The following EFHB variants were observed in gnomAD, a reference collection of about 807,000 sequenced individuals.
The protein encoded by EFHB is EF-hand domain family member B.
A neutral mutation model predicts 87.2 loss-of-function variants in EFHB; 91 were observed. The observed-to-expected ratio is 1.04, with a 90% CI of 0.88 to 1.24. EFHB has a LOEUF of 1.24. EFHB is among the 50% of genes most tolerant of loss of function. EFHB has a pLI of 0.00. For missense variants in EFHB, 1,084 were observed against 998.8 expected (o/e 1.09, Z -1.15); for synonymous variants, 325 against 333.6 (o/e 0.97, Z 0.28).
At chr3:19,935,178 G>A (rs973814671), upstream of EFHB, among the ~76,000 whole-genome samples, 13 of 152,012 alleles carry the variant, frequency 8.6e-5, no homozygotes, top group Non-Finnish European at 1.5e-4. Context: ...CCAAAGTGTC[G>A]GATTACAGGC....
At chr3:19,934,942 C>T (rs550401461), upstream of EFHB, among the ~76,000 whole-genome samples, 3 of 151,470 alleles carry the variant, frequency 2.0e-5, no homozygotes, top group African/African-American at 4.8e-5. Flanking sequence ...ATGGAGTCTC[C>T]CTTTGTCGCC....
chr3:19,930,746 G>A (rs1358763678), intron 1 of EFHB, among the ~76,000 whole-genome samples: 2 of 152,092 alleles, frequency 1.3e-5, no homozygotes, highest in Admixed American at 1.3e-4. Context: ...AGGACTACAG[G>A]CACATACTAC....
chr3:19,883,961 C>T (rs1347008672), intron 11 of EFHB, among the ~76,000 whole-genome samples: 1 of 152,154 alleles, frequency 6.6e-6, no homozygotes, highest in African/African-American at 2.4e-5. Context: ...ATTAAGACAC[C>T]AGTTTGTGGT....
chr3:19,912,939 A>G (rs1486532839), intron 5 of EFHB, among the ~76,000 whole-genome samples: 1 of 152,220 alleles, frequency 6.6e-6, no homozygotes, highest in African/African-American at 2.4e-5. Context: ...CCATATGATC[A>G]TTTCAATTTA....
chr3:19,942,080 CCTGGGAGG>C (rs1278051902), intron 1 of EFHB: 1 of 152,160 alleles, frequency 6.6e-6, no homozygotes, highest in East Asian at 1.9e-4. Flanking sequence ...ATCACTTGAA[CCTGGGAGG>C]CAGAGATTGC....
chr3:19,880,352 C>T (rs536214177), intron 12 of EFHB, among the ~76,000 whole-genome samples: 6 of 151,928 alleles, frequency 3.9e-5, no homozygotes, highest in East Asian at 1.9e-4. Flanking sequence ...TGGGTACAAG[C>T]GATTCTTCTG....
intron 12 of EFHB, among the ~76,000 whole-genome samples, chr3:19,880,504 G>C (rs192775050): frequency 1.8e-4 from 27 of 152,078 alleles, no homozygotes; most frequent in Middle Eastern, 3.4e-3. Context: ...CACCCATCTC[G>C]GCCTCCCAAA....
intron 8 of EFHB, among the ~76,000 whole-genome samples, 175 bp downstream of exon 8, chr3:19,898,603 G>A (rs898970804): frequency 6.6e-6 from 1 of 151,914 alleles, no homozygotes. Context: ...AACATAATAT[G>A]AAAAAAAATT....
intron 4 of EFHB, among the ~76,000 whole-genome samples, chr3:19,916,534 T>C (rs1695239989): frequency 6.6e-6 from 1 of 151,696 alleles, no homozygotes. Flanking sequence ...ATTAATTCAT[T>C]AATTAATTAA....
At chr3:19,934,638 C>A (rs940824751), upstream of EFHB, among the ~76,000 whole-genome samples, 5 of 152,162 alleles carry the variant, frequency 3.3e-5, no homozygotes, top group African/African-American at 7.2e-5. Flanking sequence ...TCCCAAGCAA[C>A]ACAGTCGTTT....
chr3:19,921,587 G>C (rs1487285408), intron 1 of EFHB, among the ~76,000 whole-genome samples: 1 of 151,928 alleles, frequency 6.6e-6, no homozygotes, highest in Non-Finnish European at 1.5e-5. Flanking sequence ...TGAGAGGCTG[G>C]GGGGGCCAAG....
At chr3:19,930,862 G>T (rs575400000) in intron 1 of EFHB, among the ~76,000 whole-genome samples, 1 of 152,340 alleles carries the variant, frequency 6.6e-6, no homozygotes, top group African/African-American at 2.4e-5. Flanking sequence ...GCTGGGCGTG[G>T]TGGCTCATGC....
chr3:19,919,617 G>A (rs920601430), intron 3 of EFHB, among the ~76,000 whole-genome samples: 4 of 152,116 alleles, frequency 2.6e-5, no homozygotes, highest in African/African-American at 9.7e-5. Flanking sequence ...ATAGTTTGTG[G>A]CTTAAACTAT....
At chr3:19,911,048 C>A (rs1442057436) in intron 5 of EFHB, among the ~76,000 whole-genome samples, 1 of 152,188 alleles carries the variant, frequency 6.6e-6, no homozygotes, top group Non-Finnish European at 1.5e-5. Context: ...CACCAAGGAA[C>A]ATCTACAAGC....
At chr3:19,904,816 G>A (rs980336610) in intron 6 of EFHB, among the ~76,000 whole-genome samples, 9 of 152,064 alleles carry the variant, frequency 5.9e-5, no homozygotes, top group East Asian at 5.8e-4. Context: ...TGTGGAGGGC[G>A]GGGCGGCACC....
intron 1 of EFHB, among the ~76,000 whole-genome samples, chr3:19,946,438 C>T (rs1206760363): frequency 6.6e-6 from 1 of 152,156 alleles, no homozygotes; most frequent in Non-Finnish European, 1.5e-5. Flanking sequence ...TCCTGTAAAG[C>T]GTTTAGTACA....
rs1306907125 is a variant in EFHB, at chr3:19,884,915, T to TAA, written c.1934-302_1934-301dup. On this transcript the variant is annotated intron_variant, in intron 10 of 12. Transcript: ENST00000295824. Reference sequence around the variant, plus strand: ...CACAGAATCCATTCATTTCTTTTCTTAAAAAAAAAAAAAAAAAATAGAGCG... The same window carrying TAA: ...CACAGAATCCATTCATTTCTTTTCTTAAAAAAAAAAAAAAAAAAAATAGAGCG... Among the ~76,000 whole-genome samples, 288 of 139,508 alleles carry TAA rather than the reference T, an allele frequency of 2.1e-3. 1 individual carries two copies. The highest frequency in any genetic ancestry group is 5.1e-3 in the African/African-American group (197 of 38,574). 91.5% of individuals were successfully genotyped at this position (139,508 alleles called of 152,430 possible). A position where few individuals can be genotyped will look rare whatever the true frequency, so the allele number is the denominator to read the frequency against.
intron 12 of EFHB, among the ~76,000 whole-genome samples, chr3:19,881,618 G>A (rs763544883): frequency 5.3e-5 from 8 of 152,080 alleles, no homozygotes; most frequent in Non-Finnish European, 7.4e-5. Flanking sequence ...CCTCCTTTGG[G>A]GCCAGTAAGA....
intron 9 of EFHB, among the ~76,000 whole-genome samples, chr3:19,895,765 T>C (rs1415129937): frequency 2.6e-5 from 4 of 152,154 alleles, no homozygotes; most frequent in Non-Finnish European, 1.5e-5. Flanking sequence ...ATTATTTCCT[T>C]TGTCAAGACT....
Sources: allele counts gnomAD v4.1 joint callset (sites outside exome capture counted in the v4.1 genomes callset), GRCh38; gene constraint gnomAD v4.1.1; transcripts MANE v1.5; gene names NCBI Gene and HGNC (gene_info 2026-07-23, HGNC 2026-07-21).